LTBP1: variants seen among roughly 807,000 people sequenced by gnomAD.
LTBP1 encodes latent-transforming growth factor beta-binding protein 1.
Under a neutral mutation model 207.6 loss-of-function variants are expected in LTBP1, and 129 were observed. The observed-to-expected ratio is 0.62, with a 90% confidence interval of 0.54 to 0.72. LTBP1 has a LOEUF of 0.72. LTBP1 is among the 30% of genes least tolerant of loss of function. The pLI is 0.00. For synonymous variants in LTBP1, 963 were observed against 833.7 expected, an observed-to-expected ratio of 1.16 and a Z score of -2.67; for missense variants, 2,281 against 2,217.2, an observed-to-expected ratio of 1.03 and a Z score of -0.58.
intron 3 of LTBP1, among the ~76,000 whole-genome samples, chr2:33,052,693 T>TACAAA (rs2076803801): frequency 6.6e-6 from 1 of 152,214 alleles, no homozygotes; most frequent in South Asian, 2.1e-4. Context: ...TTTGTAAGTT[T>TACAAA]TCTGTATGGA....
intron 19 of LTBP1, among the ~76,000 whole-genome samples, chr2:33,281,186 G>A (rs990058416): frequency 4.6e-5 from 7 of 152,170 alleles, no homozygotes; most frequent in African/African-American, 1.4e-4. Context: ...ACTGTCTGGT[G>A]GGGGAGACTG....
intron 32 of LTBP1, among the ~76,000 whole-genome samples, chr2:33,394,649 G>T (rs575956950): frequency 6.6e-6 from 1 of 152,130 alleles, no homozygotes; most frequent in African/African-American, 2.4e-5. Flanking sequence ...GCTCTGTTCC[G>T]TTCCATTGGT....
chr2:33,266,025 A>G (rs1421705891), intron 15 of LTBP1, among the ~76,000 whole-genome samples: 2 of 152,208 alleles, frequency 1.3e-5, no homozygotes, highest in Non-Finnish European at 2.9e-5. Flanking sequence ...GGGTGCAGCT[A>G]CAGTCACCTA....
chr2:33,134,039 A>G lies in LTBP1; in HGVS notation c.1034-754A>G, dbSNP rs1019918427. Among the ~76,000 whole-genome samples, 3 of 152,224 alleles carry G rather than the reference A, an allele frequency of 2.0e-5. No individual in the cohort carries two copies. Among genetic ancestry groups the G allele is most frequent in the Non-Finnish European group, 4.4e-5 (3 of 68,036 alleles). On this transcript the variant is annotated intron_variant, in intron 4 of 33. Coordinates refer to ENST00000404816, the MANE Select transcript of LTBP1 (RefSeq NM_206943.4). This position sits in a 1 kb window ranked among gnomAD's most constrained non-coding sequence, Gnocchi z 4.4. The stretch of plus-strand genomic sequence containing the variant: ...CCCCAGTGGCTACTCCAGGTGGTCT[A>G]TGAATAGAGACAGTGAGAGCCCAAG...
At chr2:33,272,957 G>A (rs1443306063) in intron 15 of LTBP1, among the ~76,000 whole-genome samples, 1 of 152,118 alleles carries the variant, frequency 6.6e-6, no homozygotes, top group African/African-American at 2.4e-5. Context: ...CTTGAACAGG[G>A]CTAATCTGTA....
chr2:33,096,816 C>A (rs1572618977), intron 3 of LTBP1, among the ~76,000 whole-genome samples: 1 of 152,090 alleles, frequency 6.6e-6, no homozygotes, highest in African/African-American at 2.4e-5. Context: ...AAGGCTGAGG[C>A]AGGAGGATAA....
intron 2 of LTBP1, among the ~76,000 whole-genome samples, chr2:32,966,757 A>G (rs1298133653): frequency 6.6e-6 from 1 of 152,022 alleles, no homozygotes; most frequent in Non-Finnish European, 1.5e-5. Context: ...GTTTTTATTC[A>G]TTGTTGCATT....
intron 3 of LTBP1, among the ~76,000 whole-genome samples, chr2:33,050,127 A>G (rs1343647094): frequency 1.3e-5 from 1 of 78,324 alleles, no homozygotes; most frequent in Admixed American, 1.4e-4. Context: ...TATAGGCGTA[A>G]GCATTTTTTT....
At chr2:33,321,406 T>C (rs1459846498) in intron 24 of LTBP1, among the ~76,000 whole-genome samples, 7 of 151,394 alleles carry the variant, frequency 4.6e-5, no homozygotes, top group Non-Finnish European at 4.4e-5. Context: ...CGAGAGAAGG[T>C]GGATTCAAAC....
intron 31 of LTBP1, among the ~76,000 whole-genome samples, chr2:33,388,147 T>G (rs2095283919): frequency 6.6e-6 from 1 of 152,178 alleles, no homozygotes; most frequent in African/African-American, 2.4e-5. Context: ...TGAAAAGCAT[T>G]GAAACCTCAG....
chr2:33,167,303 T>C (rs1314197444), intron 5 of LTBP1, among the ~76,000 whole-genome samples: 1 of 151,300 alleles, frequency 6.6e-6, no homozygotes, highest in Non-Finnish European at 1.5e-5. Flanking sequence ...ATCAGAAATT[T>C]GGCATTCAAA....
At chr2:33,115,407 T>C (rs1340337362) in intron 4 of LTBP1, among the ~76,000 whole-genome samples, 1 of 152,174 alleles carries the variant, frequency 6.6e-6, no homozygotes, top group Non-Finnish European at 1.5e-5. Context: ...GATGAAAATG[T>C]TCTGGAATTA....
intron 3 of LTBP1, among the ~76,000 whole-genome samples, chr2:33,065,264 A>G (rs543473190): frequency 6.6e-6 from 1 of 152,324 alleles, no homozygotes; most frequent in Admixed American, 6.5e-5. Context: ...ACTAGGATAA[A>G]TTCCACTTGA....
chr2:33,239,771 G>A (rs937735454), intron 9 of LTBP1, among the ~76,000 whole-genome samples: 1 of 151,726 alleles, frequency 6.6e-6, no homozygotes, highest in Non-Finnish European at 1.5e-5. Flanking sequence ...GGGCATGGTG[G>A]CATGTGCCTG....
intron 25 of LTBP1, among the ~76,000 whole-genome samples, chr2:33,344,667 T>C (rs1165932388): frequency 2.6e-5 from 4 of 152,194 alleles, no homozygotes; most frequent in Non-Finnish European, 5.9e-5. Flanking sequence ...AATTCTATTA[T>C]AGCACTTACA....
intron 2 of LTBP1, among the ~76,000 whole-genome samples, chr2:33,013,199 G>T (rs1431821007): frequency 2.6e-5 from 4 of 152,026 alleles, no homozygotes; most frequent in Admixed American, 2.6e-4. Context: ...TTCTAAAAAG[G>T]CTTGTACCAT....
chr2:33,174,759 C>G (rs1386624709), intron 5 of LTBP1, among the ~76,000 whole-genome samples: 1 of 152,120 alleles, frequency 6.6e-6, no homozygotes. Context: ...TCAAACTATA[C>G]TACAAGGCTA....
chr2:33,240,976 T>C (rs1449032329), intron 9 of LTBP1, among the ~76,000 whole-genome samples: 1 of 152,178 alleles, frequency 6.6e-6, no homozygotes, highest in Non-Finnish European at 1.5e-5. Context: ...ACAATCTGGG[T>C]GGTGGTTACA....
chr2:33,240,856 T>C (rs2092294235), intron 9 of LTBP1, among the ~76,000 whole-genome samples: 1 of 152,050 alleles, frequency 6.6e-6, no homozygotes, highest in Admixed American at 6.6e-5. Flanking sequence ...TTCACTGTGT[T>C]AGCCAGGATG....
Sources: allele counts gnomAD v4.1 joint callset (sites outside exome capture counted in the v4.1 genomes callset), GRCh38; gene constraint gnomAD v4.1.1; non-coding constraint Gnocchi (gnomAD v3.1); transcripts MANE v1.5; gene names NCBI Gene and HGNC (gene_info 2026-07-23, HGNC 2026-07-21).